The following CDH18 variants were observed in gnomAD, a reference collection of about 807,000 sequenced individuals.
CDH18 encodes cadherin-18.
CDH18 carries 31 observed loss-of-function variants against 67.9 expected under a neutral mutation model. The observed-to-expected ratio is 0.46, with a 90% confidence interval of 0.34 to 0.62. The LOEUF (loss-of-function observed/expected upper bound fraction) is 0.62. CDH18 is among the 20% of genes least tolerant of loss of function. The pLI, the probability that CDH18 is intolerant of heterozygous loss-of-function variation, is 0.01. For synonymous variants in CDH18, 362 were observed against 347.2 expected, an observed-to-expected ratio of 1.04 and a Z score of -0.48; for missense variants, 890 against 975.5, an observed-to-expected ratio of 0.91 and a Z score of 1.17.
At chr5:20,097,174 C>T (rs919040441) in intron 2 of CDH18, among the ~76,000 whole-genome samples, 25 of 152,078 alleles carry the variant, frequency 1.6e-4, no homozygotes, top group African/African-American at 6.0e-4. Context: ...TGTAAGCCTT[C>T]AGTTTTCTAG....
At chr5:19,477,070 T>C (rs1738586788) in intron 12 of CDH18, among the ~76,000 whole-genome samples, 1 of 150,618 alleles carries the variant, frequency 6.6e-6, no homozygotes, top group Non-Finnish European at 1.5e-5. Context: ...CCTTTCTGGA[T>C]ATTATTTGCT....
At chr5:20,187,192 G>A (rs1738167704) in intron 2 of CDH18, among the ~76,000 whole-genome samples, 1 of 151,834 alleles carries the variant, frequency 6.6e-6, no homozygotes, top group South Asian at 2.1e-4. Flanking sequence ...CAAGATGAAT[G>A]AGTTCTGGTG....
At chr5:20,148,064 A>G (rs1750796774) in intron 2 of CDH18, among the ~76,000 whole-genome samples, 2 of 151,360 alleles carry the variant, frequency 1.3e-5, no homozygotes, top group Non-Finnish European at 2.9e-5. Flanking sequence ...ACCTTTGTTA[A>G]GCATACAATA....
At chr5:19,594,539 G>A (rs1164031863) in intron 6 of CDH18, among the ~76,000 whole-genome samples, 1 of 152,102 alleles carries the variant, frequency 6.6e-6, no homozygotes, top group Non-Finnish European at 1.5e-5. Flanking sequence ...GATTTATTTA[G>A]AGGCTCTACT....
intron 2 of CDH18, among the ~76,000 whole-genome samples, chr5:20,162,194 C>G (rs1735941882): frequency 6.6e-6 from 1 of 151,800 alleles, no homozygotes; most frequent in Non-Finnish European, 1.5e-5. Context: ...AAATCTAGTT[C>G]CAATGAAATG....
At chr5:20,351,804 G>C (rs1261708626) in intron 1 of CDH18, among the ~76,000 whole-genome samples, 1 of 152,080 alleles carries the variant, frequency 6.6e-6, no homozygotes, top group Non-Finnish European at 1.5e-5. Flanking sequence ...TTTGCCTGTT[G>C]GTGGGGTAAG....
chr5:19,895,072 T>G (rs533037327), intron 2 of CDH18, among the ~76,000 whole-genome samples: 1 of 152,276 alleles, frequency 6.6e-6, no homozygotes, highest in South Asian at 2.1e-4. Context: ...CACTGCTCTA[T>G]GTAGTAGATA....
intron 2 of CDH18, among the ~76,000 whole-genome samples, chr5:20,242,979 C>T (rs545449857): frequency 6.6e-6 from 1 of 152,168 alleles, no homozygotes; most frequent in East Asian, 1.9e-4. Context: ...AATTCTAAAT[C>T]TTACAATGGT....
At chr5:19,861,288 G>A (rs1784870939) in intron 2 of CDH18, among the ~76,000 whole-genome samples, 1 of 47,744 alleles carries the variant, frequency 2.1e-5, no homozygotes, top group African/African-American at 4.3e-5. Context: ...AGGTACAGAT[G>A]GGTTTTTTTT....
intron 2 of CDH18, among the ~76,000 whole-genome samples, chr5:20,001,433 A>G (rs1308625471): frequency 2.0e-5 from 3 of 152,192 alleles, no homozygotes; most frequent in African/African-American, 7.2e-5. Context: ...AACTTGGAAC[A>G]TGACATAAAG....
At chr5:20,244,311 T>C (rs1743208723) in intron 2 of CDH18, among the ~76,000 whole-genome samples, 1 of 152,138 alleles carries the variant, frequency 6.6e-6, no homozygotes. Flanking sequence ...CTACACATTT[T>C]GTTCTGTTCA....
intron 2 of CDH18, among the ~76,000 whole-genome samples, chr5:20,061,413 A>C (rs187463896): frequency 1.3e-5 from 2 of 152,270 alleles, no homozygotes; most frequent in Non-Finnish European, 2.9e-5. Flanking sequence ...TGACCAAATT[A>C]AGCATTAAAG....
intron 2 of CDH18, among the ~76,000 whole-genome samples, chr5:20,044,025 G>T (rs1740685047): frequency 6.6e-6 from 1 of 152,080 alleles, no homozygotes; most frequent in South Asian, 2.1e-4. Context: ...GAAAGTGAAG[G>T]GAGTGACAAA....
intron 2 of CDH18, among the ~76,000 whole-genome samples, chr5:20,080,546 A>G (rs1261227530): frequency 6.6e-6 from 1 of 152,158 alleles, no homozygotes; most frequent in Admixed American, 6.6e-5. Flanking sequence ...TTATTAATAC[A>G]GTGTTAATTA....
chr5:20,403,900 C>T (rs961769644), intron 1 of CDH18, among the ~76,000 whole-genome samples: 2 of 152,134 alleles, frequency 1.3e-5, no homozygotes, highest in African/African-American at 2.4e-5. Context: ...GAAGCTTCTT[C>T]CAATATAAGA....
Position 19,994,855 on chromosome 5 carries a change from T to TATATAGAGAGAGAGAGAGAGAG in CDH18, c.-517-2842_-517-2841insCTCTCTCTCTCTCTCTCTATAT, listed in dbSNP as rs760777430. Among the ~76,000 whole-genome samples the TATATAGAGAGAGAGAGAGAGAG allele has an allele frequency of 2.1e-4, 14 of 67,584 alleles. 1 individual carries two copies. The highest frequency in any genetic ancestry group is 8.8e-4 in the African/African-American group (12 of 13,598). The allele number at this position is 67,584 out of a possible 152,430, so 44.3% of individuals were successfully genotyped here. On this transcript the variant is annotated intron_variant, in intron 2 of 14. Transcript: ENST00000507958. ...ATATATATATATATATATATATATA[T>TATATAGAGAGAGAGAGAGAGAG]AGAGAGAGAGAGAGAGAGAGAGATG...
Position 19,790,518 on chromosome 5 carries a change from T to C in CDH18, c.229-43282A>G, listed in dbSNP as rs549951008. 2.0e-5 allele frequency among the ~76,000 whole-genome samples: 3 copies of C among 152,250 alleles called. 1 individual carries two copies. The East Asian group carries it at 5.8e-4, about 29-fold the overall frequency. On this transcript the variant is annotated intron_variant, in intron 3 of 12. Transcript: ENST00000382275. ...CACATAGATAATTAAAATATGAATT[T>C]GGTAAATTCTATAAAGTAACAGTAG...
intron 9 of CDH18, among the ~76,000 whole-genome samples, chr5:19,538,793 C>A (rs938394823): frequency 6.6e-6 from 1 of 152,224 alleles, no homozygotes; most frequent in Non-Finnish European, 1.5e-5. Context: ...AATGCCTCAC[C>A]TGCCCAGAGG....
At chr5:19,963,032 T>C (rs1797075077) in intron 2 of CDH18, among the ~76,000 whole-genome samples, 1 of 152,062 alleles carries the variant, frequency 6.6e-6, no homozygotes, top group African/African-American at 2.4e-5. Context: ...TAGTTTAAAA[T>C]TGATCCATAA....
Sources: gnomAD v4.1 joint callset for allele counts (sites outside exome capture counted in the v4.1 genomes callset) on GRCh38, gnomAD v4.1.1 for gene constraint, MANE v1.5 for transcripts, NCBI Gene and HGNC (gene_info 2026-07-23, HGNC 2026-07-21) for gene names.